The following DNAJB4 variants were observed in gnomAD, a reference collection of about 807,000 sequenced individuals.
DNAJB4 encodes the protein DnaJ heat shock protein family (Hsp40) member B4.
DNAJB4 carries 10 observed loss-of-function variants against 26.6 expected under a neutral mutation model. The ratio of observed to expected loss-of-function variants is 0.38; its 90% CI spans 0.23 to 0.64. DNAJB4 has a LOEUF of 0.64. DNAJB4 is among the 30% of genes least tolerant of loss of function. The pLI is 0.58. For synonymous variants in DNAJB4, 136 were observed against 134.8 expected (o/e 1.01, Z -0.06); for missense variants, 328 against 408.2 (o/e 0.80, Z 1.69).
upstream of DNAJB4, among the ~76,000 whole-genome samples, chr1:77,979,929 C>G (rs1659476310): frequency 6.6e-6 from 1 of 152,096 alleles, no homozygotes; most frequent in South Asian, 2.1e-4. Context: ...GTTACCCAGG[C>G]TGGAGTGCAG....
upstream of DNAJB4, chr1:78,004,353 A>G (rs1000241890): frequency 6.6e-6 from 1 of 152,214 alleles, no homozygotes; most frequent in Admixed American, 6.5e-5. Flanking sequence ...TCCTTTACTT[A>G]TTTTAAAATA....
chr1:78,016,158 G>C lies in DNAJB4; in HGVS notation c.925G>C (p.Asp309His). The change falls in exon 3 of 3, where the codon GAC (aspartate) becomes CAC (histidine). Residue 309 changes from aspartate to histidine, a missense_variant. Transcript: ENST00000370763. ...TCCAAAAAATCCTGACCAACGTGGT[G>C]ACCTTCTAATAGAATTTGAGGTGTC... ...PFPKNPDQRGDLLIEFEVSFP... is the reference protein window; with the variant it reads ...PFPKNPDQRGHLLIEFEVSFP... The C allele has an allele frequency of 6.2e-7, 1 of 1,614,100 alleles. No individual in the cohort carries two copies. Among genetic ancestry groups the C allele is most frequent in the Non-Finnish European group, 8.5e-7 (1 of 1,180,028 alleles).
chr1:77,983,236 G>T (rs1016305690), intron 1 of DNAJB4, among the ~76,000 whole-genome samples: 3 of 152,186 alleles, frequency 2.0e-5, no homozygotes, highest in Non-Finnish European at 1.5e-5. Context: ...ATTGCTGCCC[G>T]CAGGTCCCAC....
chr1:77,979,794 A>G (rs1306496424), upstream of DNAJB4, among the ~76,000 whole-genome samples: 2 of 152,190 alleles, frequency 1.3e-5, no homozygotes, highest in Non-Finnish European at 2.9e-5. Flanking sequence ...TCTTTATCCA[A>G]AAACGTGATT....
Position 78,005,209 on chromosome 1 carries a change from G to C in DNAJB4, c.99G>C (p.Pro33=), listed in dbSNP as rs148334107. The change falls in exon 1 of 3, where the codon CCG becomes CCC. Residue 33 remains proline (P), a synonymous_variant. Transcript: ENST00000370763. ...AYRKQALKFH[P]DKNKSPQAEE... The stretch of plus-strand genomic sequence containing the variant: ...GAAAACAAGCCCTCAAATTTCATCC[G>C]GACAAGAACAAATCTCCTCAGGCAG... 1 of 1,613,886 alleles carries C rather than the reference G, an allele frequency of 6.2e-7. No individual in the cohort carries two copies. The highest frequency in any genetic ancestry group is 1.1e-5 in the South Asian group (1 of 91,078).
upstream of DNAJB4, among the ~76,000 whole-genome samples, chr1:78,002,838 A>G (rs923186006): frequency 6.6e-6 from 1 of 152,132 alleles, no homozygotes; most frequent in African/African-American, 2.4e-5. Context: ...GTGATATTTA[A>G]AGAAATGTGA....
upstream of DNAJB4, among the ~76,000 whole-genome samples, chr1:78,003,025 G>T (rs1370069476): frequency 2.7e-5 from 4 of 150,736 alleles, no homozygotes; most frequent in Admixed American, 2.6e-4. Context: ...TCAAATAAGT[G>T]TCTATTTTTT....
intron 1 of DNAJB4, among the ~76,000 whole-genome samples, chr1:77,994,583 CTT>C (rs5775435): frequency 0.015 from 2,153 of 142,032 alleles, 27 homozygotes; most frequent in African/African-American, 0.043. Context: ...TACTCTCTCT[CTT>C]TTTTTTTTTT....
chr1:77,999,081 C>T (rs972017405), intron 1 of DNAJB4, among the ~76,000 whole-genome samples: 2 of 152,110 alleles, frequency 1.3e-5, no homozygotes, highest in African/African-American at 4.8e-5. Flanking sequence ...AATGATACCT[C>T]TTAGTGCTTA....
upstream of DNAJB4, among the ~76,000 whole-genome samples, chr1:78,001,932 A>G (rs72933898): frequency 0.023 from 3,465 of 152,300 alleles, 143 homozygotes; most frequent in African/African-American, 0.079. Context: ...GCTAATTTTT[A>G]TATCTTTGTT....
chr1:78,015,628 C>T (rs1660621142), intron 2 of DNAJB4, among the ~76,000 whole-genome samples: 3 of 146,342 alleles, frequency 2.0e-5, no homozygotes, highest in Non-Finnish European at 4.5e-5. Flanking sequence ...CGGCTCACTG[C>T]AACCTCCGCC....
chr1:77,993,727 T>C (rs1314774649), intron 1 of DNAJB4, among the ~76,000 whole-genome samples: 1 of 152,208 alleles, frequency 6.6e-6, no homozygotes, highest in Non-Finnish European at 1.5e-5. Flanking sequence ...TGGCTTGATA[T>C]GCTGATTTGA....
At chr1:77,981,213 G>C (rs987315693) in intron 1 of DNAJB4, 1 of 148,662 alleles carries the variant, frequency 6.7e-6, no homozygotes, top group Non-Finnish European at 1.5e-5. Context: ...AGGCTGGAGT[G>C]CAGTGGCACG....
At chr1:77,989,831 C>T (rs1217630818) in intron 1 of DNAJB4, among the ~76,000 whole-genome samples, 6 of 152,104 alleles carry the variant, frequency 3.9e-5, no homozygotes, top group African/African-American at 9.7e-5. Context: ...TGTATTCTGC[C>T]GTTTTCACTG....
In DNAJB4 at chr1:77,991,257, A is replaced by G. The variant is rs181882503; in HGVS notation, c.-32+10935A>G. ...TTAATGTTACCGTTGTTCAAAAACA[A>G]TTTTTTAACTGATTATGGTTAATGC... On this transcript the variant is annotated intron_variant, in intron 1 of 2. Transcript: ENST00000426517. 2.5e-3 allele frequency among the ~76,000 whole-genome samples: 379 copies of G among 152,258 alleles called. 1 individual carries two copies. Among genetic ancestry groups the G allele is most frequent in the Non-Finnish European group, 4.0e-3 (274 of 68,018 alleles).
chr1:78,004,740 G>A (rs368652926), upstream of DNAJB4: 7 of 204,572 alleles, frequency 3.4e-5, no homozygotes, highest in South Asian at 6.4e-4. Flanking sequence ...AGACGGTAGA[G>A]CTAGTCGGAA....
chr1:78,007,125 T>A (rs923885135), intron 1 of DNAJB4, among the ~76,000 whole-genome samples: 1 of 152,142 alleles, frequency 6.6e-6, no homozygotes, highest in African/African-American at 2.4e-5. Flanking sequence ...GTGAATTTTT[T>A]AAAAACTAAA....
intron 2 of DNAJB4, among the ~76,000 whole-genome samples, chr1:78,014,593 T>A (rs1660583256): frequency 6.6e-6 from 1 of 151,786 alleles, no homozygotes. Context: ...AAGTTTGCTC[T>A]ATTATTATTA....
chr1:78,014,843 C>T (rs1201704613), intron 2 of DNAJB4, among the ~76,000 whole-genome samples: 5 of 152,094 alleles, frequency 3.3e-5, no homozygotes, highest in African/African-American at 9.7e-5. Context: ...TCAAGTAATC[C>T]GCCCACCTCG....
Sources: allele counts gnomAD v4.1 joint callset (sites outside exome capture counted in the v4.1 genomes callset), GRCh38; gene constraint gnomAD v4.1.1; transcripts MANE v1.5; gene names NCBI Gene and HGNC (gene_info 2026-07-23, HGNC 2026-07-21).